SGCD: variants seen among roughly 807,000 people sequenced by gnomAD.
SGCD encodes sarcoglycan delta, also known as delta-sarcoglycan.
In SGCD, 18 loss-of-function variants were observed where a neutral mutation model predicts 36.6. The observed-to-expected ratio is 0.49, with a 90% CI of 0.34 to 0.73. SGCD has a LOEUF of 0.73. Ranked by LOEUF, SGCD falls within the 30% of genes least tolerant of loss-of-function variation. SGCD has a pLI of 0.01. For missense variants in SGCD, 387 were observed against 346.7 expected, an observed-to-expected ratio of 1.12 and a Z score of -0.92; for synonymous variants, 133 against 130.6, an observed-to-expected ratio of 1.02 and a Z score of -0.12.
intron 3 of SGCD, among the ~76,000 whole-genome samples, chr5:156,371,339 C>T (rs1318522151): frequency 2.1e-4 from 32 of 152,116 alleles, no homozygotes; most frequent in Admixed American, 2.1e-3. Flanking sequence ...TTAAGGTTCT[C>T]TTCTACAGAG....
chr5:156,651,670 A>G (rs914233922), intron 7 of SGCD, among the ~76,000 whole-genome samples: 11 of 152,112 alleles, frequency 7.2e-5, no homozygotes, highest in African/African-American at 1.2e-4. Context: ...CTATTTCTCT[A>G]TGAATCCCAT....
chr5:156,067,914 C>A (rs1481474900), intron 1 of SGCD, among the ~76,000 whole-genome samples: 1 of 128,852 alleles, frequency 7.8e-6, no homozygotes, highest in African/African-American at 4.7e-5. Context: ...GTCGCTCACG[C>A]TGGGAGCTGT....
the SGCD span, among the ~76,000 whole-genome samples, chr5:155,807,028 A>G: frequency 6.6e-6 from 1 of 152,240 alleles, no homozygotes; most frequent in Non-Finnish European, 1.5e-5. Context: ...TGCATAATAC[A>G]TAAATGCATT....
chr5:156,039,603 G>C (rs571738213), intron 1 of SGCD, among the ~76,000 whole-genome samples: 16 of 152,224 alleles, frequency 1.1e-4, no homozygotes, highest in South Asian at 4.1e-4. Flanking sequence ...ACATTTGTCT[G>C]AACATCAACT....
intron 3 of SGCD, among the ~76,000 whole-genome samples, chr5:156,381,825 C>G (rs1158459394): frequency 1.3e-5 from 2 of 152,074 alleles, no homozygotes; most frequent in Admixed American, 1.3e-4. Flanking sequence ...ACATTTAAGC[C>G]TCTGTGAACT....
At chr5:155,997,017 A>ATAT (rs1191166826) in intron 1 of SGCD, among the ~76,000 whole-genome samples, 182 of 152,252 alleles carry the variant, frequency 1.2e-3, no homozygotes, top group Non-Finnish European at 1.9e-3. Context: ...ATAGCAAGTG[A>ATAT]AGGTATTCTA....
intron 1 of SGCD, among the ~76,000 whole-genome samples, chr5:156,007,144 C>T (rs916551970): frequency 3.3e-5 from 5 of 152,180 alleles, no homozygotes; most frequent in East Asian, 1.9e-4. Flanking sequence ...CCTAATCCTT[C>T]GGTAAAGGGT....
chr5:155,975,169 A>C (rs886382731), intron 1 of SGCD, among the ~76,000 whole-genome samples: 8 of 152,206 alleles, frequency 5.3e-5, no homozygotes, highest in African/African-American at 1.4e-4. Flanking sequence ...TTCTGCCCTC[A>C]TCAATATCAG....
rs148911817 is a variant in SGCD, at chr5:156,040,498, C to T, written c.-281-77380C>T. 3.5e-3 allele frequency among the ~76,000 whole-genome samples: 532 copies of T among 152,270 alleles called. 2 individuals are homozygous for T. Among genetic ancestry groups the T allele is most frequent in the African/African-American group, 0.012 (501 of 41,564 alleles). On this transcript the variant is annotated intron_variant, in intron 1 of 9. Coordinates refer to the SGCD transcript ENST00000517913. ...GGAGTACACAACAAGCCAGATGACACGTGTTTTTATGCTTTAGGGCAGCCA... is the reference window on the plus strand; with the variant it reads ...GGAGTACACAACAAGCCAGATGACATGTGTTTTTATGCTTTAGGGCAGCCA...
At chr5:156,170,121 G>C (rs1763308928) in intron 3 of SGCD, among the ~76,000 whole-genome samples, 1 of 152,128 alleles carries the variant, frequency 6.6e-6, no homozygotes, top group Non-Finnish European at 1.5e-5. Flanking sequence ...GGAGGCCCAG[G>C]CTTTGACCCT....
chr5:156,120,114 G>A (rs542263776), intron 2 of SGCD, among the ~76,000 whole-genome samples: 4 of 152,186 alleles, frequency 2.6e-5, no homozygotes, highest in African/African-American at 9.6e-5. Flanking sequence ...TTTCGAAAAA[G>A]CTAATTTCTG....
At chr5:156,084,467 C>T (rs1180280382) in intron 1 of SGCD, among the ~76,000 whole-genome samples, 1 of 152,086 alleles carries the variant, frequency 6.6e-6, no homozygotes, top group Admixed American at 6.6e-5. Context: ...AAGTACCAAC[C>T]AGGCTAGATC....
intron 1 of SGCD, among the ~76,000 whole-genome samples, chr5:155,875,432 A>C (rs1391369897): frequency 6.6e-6 from 1 of 152,146 alleles, no homozygotes; most frequent in Non-Finnish European, 1.5e-5. Context: ...ATAATAGCAT[A>C]AATGAAGATG....
At chr5:155,833,627 T>C in the SGCD span, among the ~76,000 whole-genome samples, 4 of 152,190 alleles carry the variant, frequency 2.6e-5, no homozygotes, top group African/African-American at 9.7e-5. Flanking sequence ...GAAAAGTCTA[T>C]CTGTTCATTT....
At chr5:156,203,988 G>A (rs1336862671) in intron 3 of SGCD, among the ~76,000 whole-genome samples, 1 of 152,058 alleles carries the variant, frequency 6.6e-6, no homozygotes, top group Admixed American at 6.6e-5. Context: ...ATTATTTAGT[G>A]TTTAAGTCCA....
intron 3 of SGCD, among the ~76,000 whole-genome samples, chr5:156,377,714 C>G (rs1770742461): frequency 6.6e-6 from 1 of 152,150 alleles, no homozygotes; most frequent in Non-Finnish European, 1.5e-5. Context: ...AAAACACACA[C>G]TCTTTACTAC....
At chr5:156,603,116 T>G (rs1211261601) in intron 6 of SGCD, among the ~76,000 whole-genome samples, 1 of 152,136 alleles carries the variant, frequency 6.6e-6, no homozygotes, top group African/African-American at 2.4e-5. Context: ...TAAATTTCTT[T>G]GCTCATTATT....
chr5:155,876,310 C>T (rs1051531760), intron 1 of SGCD, among the ~76,000 whole-genome samples: 3 of 150,074 alleles, frequency 2.0e-5, no homozygotes, highest in African/African-American at 7.3e-5. Flanking sequence ...CCTTCTTTAT[C>T]TCCACCTATA....
chr5:155,826,201 A>G, the SGCD span, among the ~76,000 whole-genome samples: 2 of 152,140 alleles, frequency 1.3e-5, no homozygotes, highest in Admixed American at 6.5e-5. Context: ...CTGCTATCCT[A>G]TGTCTGTCAC....
Sources: allele counts gnomAD v4.1 joint callset (sites outside exome capture counted in the v4.1 genomes callset), GRCh38; gene constraint gnomAD v4.1.1; transcripts MANE v1.5; gene names NCBI Gene and HGNC (gene_info 2026-07-23, HGNC 2026-07-21).